The following PRRG2 variants were observed in gnomAD, a reference collection of about 807,000 sequenced individuals.
PRRG2 encodes proline rich and Gla domain 2.
In PRRG2, 23 loss-of-function variants were observed where a neutral mutation model predicts 27.1. The ratio of observed to expected loss-of-function variants is 0.85; its 90% CI spans 0.61 to 1.20. The LOEUF (loss-of-function observed/expected upper bound fraction) is 1.20. PRRG2 is among the 50% of genes most tolerant of loss of function. The pLI is 0.00. For synonymous variants in PRRG2, 104 were observed against 103.4 expected (o/e 1.01, Z -0.03); for missense variants, 276 against 254.8 (o/e 1.08, Z -0.57).
intron 3 of PRRG2, 94 bp downstream of exon 3, chr19:49,583,811 C>T (rs1443560841): frequency 2.0e-5 from 32 of 1,604,370 alleles, no homozygotes; most frequent in Non-Finnish European, 2.7e-5. Context: ...CAGCTCCCTC[C>T]TCCTTGGTGT....
chr19:49,582,795 GGGGTGGA>G (rs1369534799), intron 1 of PRRG2, among the ~76,000 whole-genome samples: 1 of 152,112 alleles, frequency 6.6e-6, no homozygotes, highest in Non-Finnish European at 1.5e-5. Flanking sequence ...ATGAACCTGG[GGGGTGGA>G]GTGTGCAGTG....
rs1232922728 is a variant in PRRG2 at position 49,590,820 on chromosome 19, G to A, written c.*431G>A. 9.7e-6 allele frequency: 2 copies of A among 206,240 alleles called. No individual in the cohort carries two copies. Among genetic ancestry groups the A allele is most frequent in the East Asian group, 3.0e-4 (2 of 6,708 alleles). The allele number at this position is 206,240 out of a possible 1,614,324, so 12.8% of individuals were successfully genotyped here. ...CGTGTCTTCGTGCACTCCCCGTGCGGTACAGGGGCACTTCGTAACCCAGGG... is the reference window on the plus strand; with the variant it reads ...CGTGTCTTCGTGCACTCCCCGTGCGATACAGGGGCACTTCGTAACCCAGGG... On this transcript the variant is annotated 3_prime_UTR_variant, in exon 7 of 7. Transcript: ENST00000246794.
chr19:49,590,073 C>A, intron 6 of PRRG2, 21 bp downstream of exon 6: 2 of 1,476,288 alleles, frequency 1.4e-6, no homozygotes, highest in Non-Finnish European at 1.8e-6. Context: ...TGGCTTCTGC[C>A]CGGGGGCGGG....
rs745837724 is a variant in PRRG2 at position 49,590,398 on chromosome 19, T to C, written c.*9T>C. On this transcript the variant is annotated 3_prime_UTR_variant, in exon 7 of 7. Transcript: ENST00000246794. ...TCAGGAGGCCTCACTGAAGAGCTGC[T>C]TTCGAGACCCGGCTCTCCGAACCGT... is the stretch of plus-strand genomic sequence containing the variant. 1 of 1,614,088 alleles carries C rather than the reference T, an allele frequency of 6.2e-7. No homozygotes were observed. Among genetic ancestry groups the C allele is most frequent in the Admixed American group, 1.7e-5 (1 of 60,000 alleles).
upstream of PRRG2, chr19:49,580,638 G>A (rs2080615182): frequency 1.3e-5 from 2 of 152,310 alleles, no homozygotes; most frequent in African/African-American, 2.4e-5. Context: ...AAGTAGAGCT[G>A]CCCCTAGTTG....
intron 3 of PRRG2, 82 bp downstream of exon 3, chr19:49,583,799 T>G (rs1424960387): frequency 6.2e-7 from 1 of 1,607,172 alleles, no homozygotes; most frequent in African/African-American, 1.3e-5. Flanking sequence ...GGTTCTGGCC[T>G]TCAGCTCCCT....
chr19:49,590,573 T>A lies in PRRG2; in HGVS notation c.*184T>A, dbSNP rs920829100. The A allele has an allele frequency of 2.6e-6, 2 of 779,524 alleles. No homozygotes were observed. The highest frequency in any genetic ancestry group is 3.5e-5 in the African/African-American group (2 of 57,608). The allele number at this position is 779,524 out of a possible 1,614,324, so 48.3% of individuals were successfully genotyped here. A position where few individuals can be genotyped will look rare whatever the true frequency, so the allele number is the denominator to read the frequency against. On this transcript the variant is annotated 3_prime_UTR_variant, in exon 7 of 7. Transcript: ENST00000246794. ...CGCCGCGTATGGATATACACATGTT[T>A]TCGGCAACGTGTTCCCGTGTCCTGG...
chr19:49,588,208 C>T (rs1027142869), intron 4 of PRRG2, among the ~76,000 whole-genome samples: 4 of 152,198 alleles, frequency 2.6e-5, no homozygotes, highest in Non-Finnish European at 5.9e-5. Context: ...AAACGATCCA[C>T]CTGCCTAGGC....
intron 6 of PRRG2, 37 bp from the exon 7 acceptor site, chr19:49,590,334 A>G: frequency 6.2e-7 from 1 of 1,614,028 alleles, no homozygotes; most frequent in Non-Finnish European, 8.5e-7. Context: ...AAAAACAGCC[A>G]GATCTTTGAC....
At chr19:49,587,165 CT>C (rs552708909) in intron 4 of PRRG2, among the ~76,000 whole-genome samples, 41 of 144,788 alleles carry the variant, frequency 2.8e-4, no homozygotes, top group Admixed American at 1.1e-3. Context: ...AAAAAATTTT[CT>C]TTTTTTTTTT....
intron 6 of PRRG2, 141 bp downstream of exon 6, chr19:49,590,193 G>T: frequency 6.5e-6 from 9 of 1,389,802 alleles, no homozygotes; most frequent in Non-Finnish European, 8.8e-6. Context: ...GGGGCCCCAT[G>T]CAATGGTCTA....
intron 4 of PRRG2, among the ~76,000 whole-genome samples, chr19:49,586,387 AT>A (rs34299965): frequency 0.4 from 55,250 of 137,188 alleles, 12,029 homozygotes; most frequent in Non-Finnish European, 0.51. Flanking sequence ...AAGCCCGGCC[AT>A]TTTTTTTTTT....
Position 49,590,463 on chromosome 19 carries a change from C to T in PRRG2, c.*74C>T, listed in dbSNP as rs2080712349. On this transcript the variant is annotated 3_prime_UTR_variant, in exon 7 of 7. Transcript: ENST00000246794. ...CCGGATTCCGGAAGCCGCTAGGCCT[C>T]ATAGACGCCGAAGCTGGACTTGGAG... The T allele has an allele frequency of 6.3e-7, 1 of 1,593,412 alleles. No homozygotes were observed. The highest frequency in any genetic ancestry group is 1.7e-5 in the Admixed American group (1 of 58,258).
intron 4 of PRRG2, among the ~76,000 whole-genome samples, chr19:49,586,528 G>T (rs1007022776): frequency 6.6e-6 from 1 of 151,832 alleles, no homozygotes; most frequent in Non-Finnish European, 1.5e-5. Context: ...GGGACTACAG[G>T]TACCTGTAGC....
chr19:49,590,422 G>A lies in PRRG2; in HGVS notation c.*33G>A, dbSNP rs2080711917. ...CTTTCGAGACCCGGCTCTCCGAACC[G>A]TGCCCCTGATTCATACCGGATTCCG... On this transcript the variant is annotated 3_prime_UTR_variant, in exon 7 of 7. Transcript: ENST00000246794. 2 of 1,613,710 alleles carry A rather than the reference G, an allele frequency of 1.2e-6. No homozygotes were observed. The highest frequency in any genetic ancestry group is 1.7e-6 in the Non-Finnish European group (2 of 1,179,850).
chr19:49,583,238 C>G lies in PRRG2; in HGVS notation c.19C>G (p.Leu7Val). 1 of 1,614,088 alleles carries G rather than the reference C, an allele frequency of 6.2e-7. No homozygotes were observed. Among genetic ancestry groups the G allele is most frequent in the South Asian group, 1.1e-5 (1 of 91,078 alleles). MRGHPS[L>V]LLLYMALTTC... Reference sequence around the variant, plus strand: ...GGAAAATATGAGGGGCCACCCCTCTCTGCTGCTGCTATATATGGCATTAAC... The same window carrying G: ...GGAAAATATGAGGGGCCACCCCTCTGTGCTGCTGCTATATATGGCATTAAC... Residue 7 changes from leucine (L) to valine (V), a missense_variant, in exon 2 of 7, where the codon CTG becomes GTG. Leu to Val is a conservative substitution (Grantham distance 32). Transcript: ENST00000246794.
chr19:49,586,630 A>G (rs1174394904), intron 4 of PRRG2, among the ~76,000 whole-genome samples: 3 of 152,092 alleles, frequency 2.0e-5, no homozygotes, highest in African/African-American at 7.2e-5. Flanking sequence ...AGGCGGGTGG[A>G]TCACGAGGTC....
chr19:49,590,037 C>T lies in PRRG2; in HGVS notation c.575C>T (p.Pro192Leu), dbSNP rs542058042. Residue 192 changes from proline to leucine, a missense_variant, in exon 6 of 7, where the codon CCA (proline) becomes CTA (leucine). By Grantham distance (98) the Pro-to-Leu change is moderately conservative (BLOSUM62 -3). Coordinates refer to ENST00000246794, the MANE Select transcript of PRRG2 (RefSeq NM_000951.3). ...GCCTCTGGGGTACACGACGCACCTCCACCCCCCTACACCAGGTATGGGGCG... is the reference window on the plus strand; with the variant it reads ...GCCTCTGGGGTACACGACGCACCTCTACCCCCCTACACCAGGTATGGGGCG... ...LAASGVHDAPPPPYTSLRRPH is the reference protein window; with the variant it reads ...LAASGVHDAPLPPYTSLRRPH 6 of 1,521,920 alleles carry T rather than the reference C, an allele frequency of 3.9e-6. No homozygotes were observed. In the African/African-American group the frequency reaches 8.2e-5, roughly 21 times the overall value. 94.3% of individuals were successfully genotyped at this position (1,521,920 alleles called of 1,614,324 possible).
chr19:49,590,150 T>G, intron 6 of PRRG2, 98 bp downstream of exon 6: 1 of 1,345,344 alleles, frequency 7.4e-7, no homozygotes, highest in Non-Finnish European at 9.9e-7. Context: ...ATTTGGGCCT[T>G]CTTACCTGGG....
Sources: allele counts gnomAD v4.1 joint callset (sites outside exome capture counted in the v4.1 genomes callset), GRCh38; gene constraint gnomAD v4.1.1; transcripts MANE v1.5; gene names NCBI Gene and HGNC (gene_info 2026-07-23, HGNC 2026-07-21).